Variants in DENND2A observed in about 807,000 individuals in gnomAD.
DENND2A encodes the protein DENN domain containing 2A.
A neutral mutation model predicts 105.3 loss-of-function variants in DENND2A; 53 were observed. That is an observed-to-expected ratio of 0.50 (90% CI 0.40 to 0.63). The LOEUF is 0.63. DENND2A is among the 30% of genes least tolerant of loss of function. The pLI is 0.00. For missense variants in DENND2A, 1,138 were observed against 1,279.6 expected, an observed-to-expected ratio of 0.89 and a Z score of 1.69; for synonymous variants, 522 against 508.4, an observed-to-expected ratio of 1.03 and a Z score of -0.36.
chr7:140,564,987 A>G (rs1426997877), intron 9 of DENND2A, among the ~76,000 whole-genome samples: 2 of 152,186 alleles, frequency 1.3e-5, no homozygotes, highest in African/African-American at 4.8e-5. Flanking sequence ...CTCATTCCTT[A>G]GAGGTGTGAT....
chr7:140,544,562 G>C lies in DENND2A; in HGVS notation c.2327+56C>G, dbSNP rs1796814824. 1.9e-6 allele frequency: 3 copies of C among 1,609,600 alleles called. No homozygotes were observed. In the African/African-American group the frequency reaches 4.0e-5, roughly 21 times the overall value. On this transcript the variant is annotated intron_variant, in intron 14 of 19. Transcript: ENST00000496613. ...GCGGTCACCTGCTCTACAGACTAGAGGGTCCAAGAGCGACTGTCATTCAAA... is the reference window on the plus strand; with the variant it reads ...GCGGTCACCTGCTCTACAGACTAGACGGTCCAAGAGCGACTGTCATTCAAA...
intron 14 of DENND2A, chr7:140,544,401 C>T: frequency 1.6e-6 from 1 of 624,794 alleles, no homozygotes; most frequent in Non-Finnish European, 2.8e-6. Context: ...CACCATGTTG[C>T]ACAGGCTGGC....
At chr7:140,554,566 G>C (rs1797281978) in intron 12 of DENND2A, among the ~76,000 whole-genome samples, 1 of 152,100 alleles carries the variant, frequency 6.6e-6, no homozygotes, top group Admixed American at 6.6e-5. Context: ...AACCCGGGAG[G>C]TGTAAGTTGC....
intron 4 of DENND2A, among the ~76,000 whole-genome samples, chr7:140,586,389 A>G (rs894836620): frequency 6.6e-6 from 1 of 151,474 alleles, no homozygotes; most frequent in Non-Finnish European, 1.5e-5. Flanking sequence ...ACACACACAC[A>G]CACACACACA....
At chr7:140,624,868 G>GTTTTTTTTTTTTTTTT (rs1367069950) in intron 1 of DENND2A, among the ~76,000 whole-genome samples, 1 of 109,218 alleles carries the variant, frequency 9.2e-6, no homozygotes, top group African/African-American at 3.8e-5. Flanking sequence ...GTTTTTTTTT[G>GTTTTTTTTTTTTTTTT]TTTTTTTTTT....
intron 1 of DENND2A, among the ~76,000 whole-genome samples, chr7:140,637,465 C>T (rs1253584914): frequency 1.3e-5 from 2 of 152,296 alleles, no homozygotes; most frequent in East Asian, 1.9e-4. Flanking sequence ...GCAGGACCTC[C>T]CAGTTCTCAG....
chr7:140,617,522 G>A (rs1800127359), intron 1 of DENND2A, among the ~76,000 whole-genome samples: 1 of 152,106 alleles, frequency 6.6e-6, no homozygotes, highest in African/African-American at 2.4e-5. Context: ...TTCGAGACCA[G>A]CCTGGCCAAC....
intron 14 of DENND2A, chr7:140,543,768 A>G (rs1470440453): frequency 1.3e-5 from 2 of 151,684 alleles, no homozygotes; most frequent in Non-Finnish European, 1.5e-5. Flanking sequence ...TAATTTTTGT[A>G]TTTTTAGCAG....
At chr7:140,590,116 G>A (rs758652222) in intron 3 of DENND2A, among the ~76,000 whole-genome samples, 27 of 152,090 alleles carry the variant, frequency 1.8e-4, no homozygotes, top group Non-Finnish European at 3.7e-4. Flanking sequence ...CAGGCCGGGC[G>A]CGGTGGCTCA....
intron 4 of DENND2A, 49 bp downstream of exon 4, chr7:140,587,604 T>C (rs969516012): frequency 7.5e-6 from 12 of 1,609,344 alleles, no homozygotes; most frequent in Non-Finnish European, 1.0e-5. Flanking sequence ...CTCCCTCCCC[T>C]TTCTCCCAGA....
At chr7:140,613,819 G>T (rs1204779287) in intron 1 of DENND2A, among the ~76,000 whole-genome samples, 1 of 152,130 alleles carries the variant, frequency 6.6e-6, no homozygotes, top group Non-Finnish European at 1.5e-5. Context: ...TTCCACGACA[G>T]CTGTAATTTC....
At chr7:140,564,870 ATC>A (rs1797775916) in intron 9 of DENND2A, among the ~76,000 whole-genome samples, 2 of 152,224 alleles carry the variant, frequency 1.3e-5, no homozygotes, top group East Asian at 3.9e-4. Flanking sequence ...CGCCTCAGTG[ATC>A]TCTGTTGTGA....
At position 140,518,475 on chromosome 7, in the gene DENND2A, AC is replaced by A. The variant is rs1474009353; in HGVS notation, c.*231del. 2.0e-5 allele frequency: 9 copies of A among 456,386 alleles called. No individual in the cohort carries two copies. The highest frequency in any genetic ancestry group is 3.9e-5 in the Admixed American group (1 of 25,536). 28.3% of individuals were successfully genotyped at this position (456,386 alleles called of 1,614,324 possible). ...AAAAAAAAACCCAACCACCAAAACA[AC>A]CCATTTGCATGTCGGCGACACGCCT... On this transcript the variant is annotated 3_prime_UTR_variant, in exon 20 of 20. Coordinates refer to ENST00000496613, the MANE Select transcript of DENND2A (RefSeq NM_015689.5).
chr7:140,562,121 C>T (rs1053805438), intron 9 of DENND2A, among the ~76,000 whole-genome samples: 3 of 151,958 alleles, frequency 2.0e-5, no homozygotes, highest in Non-Finnish European at 2.9e-5. Context: ...AACTCCTGAT[C>T]TCAAGTGATC....
At chr7:140,585,746 C>A (rs1798756119) in intron 4 of DENND2A, 36 bp from the exon 5 acceptor site, 1 of 1,613,540 alleles carries the variant, frequency 6.2e-7, no homozygotes, top group Non-Finnish European at 8.5e-7. Context: ...AACCTGGGAA[C>A]ACTGAGGACA....
At chr7:140,629,507 G>A (rs890915516) in intron 1 of DENND2A, among the ~76,000 whole-genome samples, 3 of 152,170 alleles carry the variant, frequency 2.0e-5, no homozygotes, top group African/African-American at 2.4e-5. Flanking sequence ...GGGAGAAGAC[G>A]GACCCGGCAG....
intron 5 of DENND2A, among the ~76,000 whole-genome samples, chr7:140,578,090 C>T (rs779334407): frequency 3.3e-5 from 5 of 152,028 alleles, no homozygotes; most frequent in Admixed American, 2.6e-4. Context: ...TATAGATCTC[C>T]GACTCATGAT....
intron 12 of DENND2A, among the ~76,000 whole-genome samples, chr7:140,553,568 G>T (rs555954385): frequency 1.5e-3 from 222 of 152,284 alleles, no homozygotes; most frequent in Middle Eastern, 3.4e-3. Context: ...TCCATTCCCA[G>T]GAGGCCATAT....
At chr7:140,578,564 T>C (rs1306323521) in intron 5 of DENND2A, among the ~76,000 whole-genome samples, 2 of 152,310 alleles carry the variant, frequency 1.3e-5, no homozygotes, top group East Asian at 3.9e-4. Flanking sequence ...AAAGAGACAC[T>C]TCTCTAAATA....
Sources: gnomAD v4.1 joint callset for allele counts (sites outside exome capture counted in the v4.1 genomes callset) on GRCh38, gnomAD v4.1.1 for gene constraint, MANE v1.5 for transcripts, NCBI Gene and HGNC (gene_info 2026-07-23, HGNC 2026-07-21) for gene names.